The following PADI4 variants were observed in gnomAD, a reference collection of about 807,000 sequenced individuals.
The protein encoded by PADI4 is peptidyl arginine deiminase 4.
In PADI4, 62 loss-of-function variants were observed where a neutral mutation model predicts 75.0. The observed-to-expected ratio is 0.83, with a 90% CI of 0.67 to 1.02. The LOEUF (loss-of-function observed/expected upper bound fraction) is 1.02. Ranked by LOEUF, PADI4 falls within the 50% of genes least tolerant of loss-of-function variation. PADI4 has a pLI of 0.00. For synonymous variants in PADI4, 361 were observed against 348.1 expected, an observed-to-expected ratio of 1.04 and a Z score of -0.41; for missense variants, 845 against 850.5, an observed-to-expected ratio of 0.99 and a Z score of 0.08.
chr1:17,344,043 A>G (rs1399964256), intron 8 of PADI4, among the ~76,000 whole-genome samples: 10 of 152,158 alleles, frequency 6.6e-5, no homozygotes, highest in Non-Finnish European at 1.0e-4. Context: ...CTTTCTAGAG[A>G]CTTGTTGAAT....
Position 17,342,198 on chromosome 1 carries a change from C to A in PADI4, c.831+77C>A. On this transcript the variant is annotated intron_variant, in intron 7 of 15. Coordinates refer to ENST00000375448, the MANE Select transcript of PADI4 (RefSeq NM_012387.3). ...CCTGGCTAGGGAAAGGGGTACAGAG[C>A]CCAGCTGGGCAGGGGGACTCCAAAC... 4 of 1,493,202 alleles carry A rather than the reference C, an allele frequency of 2.7e-6. No homozygotes were observed. In the South Asian group the frequency reaches 4.6e-5, roughly 17 times the overall value. The allele number at this position is 1,493,202 out of a possible 1,614,324, so 92.5% of individuals were successfully genotyped here. A position where few individuals can be genotyped will look rare whatever the true frequency, so the allele number is the denominator to read the frequency against.
Position 17,358,893 on chromosome 1 carries a change from T to C in PADI4, c.1614T>C (p.His538=). The C allele has an allele frequency of 6.2e-7, 1 of 1,607,202 alleles. No individual in the cohort carries two copies. Among genetic ancestry groups the C allele is most frequent in the South Asian group, 1.1e-5 (1 of 90,178 alleles). ...NILSNKTLRE[H]NSFVERCIDW... The stretch of plus-strand genomic sequence containing the variant: ...TGTCAAACAAGACATTGAGAGAACA[T>C]AATTCATTTGTGGAGGTAGGAGCCT... The change falls in exon 14 of 16, where the codon CAT becomes CAC. Residue 538 remains histidine (H), a synonymous_variant. Coordinates refer to ENST00000375448, the MANE Select transcript of PADI4 (RefSeq NM_012387.3).
Position 17,363,550 on chromosome 1 carries a change from T to C in PADI4, c.1787T>C (p.Leu596Pro). 1.9e-6 allele frequency: 3 copies of C among 1,613,482 alleles called. No homozygotes were observed. Among genetic ancestry groups the C allele is most frequent in the East Asian group, 2.2e-5 (1 of 44,874 alleles). ...MVNMLVLGKH[L>P]GIPKPFGPVI... ...AACATGCTGGTGCTAGGGAAGCACC[T>C]GGGCATCCCCAAGCCCTTCGGGCCC... The change falls in exon 16 of 16, where the codon CTG (leucine) becomes CCG (proline). Residue 596 changes from leucine to proline, a missense_variant. Leu to Pro is a moderately conservative substitution (Grantham distance 98). Transcript: ENST00000375448.
intron 15 of PADI4, among the ~76,000 whole-genome samples, chr1:17,363,053 G>A (rs1570107055): frequency 6.6e-6 from 1 of 152,110 alleles, no homozygotes; most frequent in Non-Finnish European, 1.5e-5. Context: ...CTGACCTCAG[G>A]TGATCCACTC....
rs768229428 is a variant in PADI4 at position 17,359,426 on chromosome 1, T to G, written c.1758+18T>G. On this transcript the variant is annotated intron_variant, in intron 15 of 15. Transcript: ENST00000375448. ...CCAACATGGTGAGGAGGTGGCGGCT[T>G]TAAAACCCCAGGGTGTGGCATGGAG... is the stretch of plus-strand genomic sequence containing the variant. The G allele has an allele frequency of 7.4e-6, 12 of 1,613,784 alleles. No individual in the cohort carries two copies. The highest frequency in any genetic ancestry group is 1.7e-4 in the Middle Eastern group (1 of 6,048).
intron 10 of PADI4, among the ~76,000 whole-genome samples, chr1:17,349,114 T>C (rs962502643): frequency 1.3e-5 from 2 of 152,212 alleles, no homozygotes; most frequent in Non-Finnish European, 2.9e-5. Context: ...ATTCACAGTG[T>C]GTACTCAGCC....
chr1:17,311,792 T>G (rs1378935497), intron 1 of PADI4, among the ~76,000 whole-genome samples: 1 of 152,182 alleles, frequency 6.6e-6, no homozygotes, highest in South Asian at 2.1e-4. Context: ...CCCAAAGTGC[T>G]GGGATTACAG....
At chr1:17,334,634 T>C (rs2074278615) in intron 3 of PADI4, 1 of 456,040 alleles carries the variant, frequency 2.2e-6, no homozygotes, top group South Asian at 1.5e-5. Context: ...CAAATATCTA[T>C]AACAAAAAGT....
rs1306630672 is a variant in PADI4, at chr1:17,331,163, C to T, written c.273+14C>T. 1.1e-5 allele frequency: 17 copies of T among 1,604,482 alleles called. No homozygotes were observed. The East Asian group carries it at 3.9e-4, about 36-fold the overall frequency. On this transcript the variant is annotated intron_variant, in intron 2 of 15. Transcript: ENST00000375448. ...GGCGACCAGAAGGTGAGTGTCATAG[C>T]TGTGGGGTGGCAGTGTGGATGGGCT... is the stretch of plus-strand genomic sequence containing the variant.
At chr1:17,318,953 G>T (rs939679222) in intron 1 of PADI4, among the ~76,000 whole-genome samples, 1 of 152,090 alleles carries the variant, frequency 6.6e-6, no homozygotes, top group African/African-American at 2.4e-5. Flanking sequence ...CTCCCAAAGT[G>T]CTGGGATTAC....
At chr1:17,355,898 G>C in intron 11 of PADI4, 85 bp from the exon 12 acceptor site, 1 of 1,412,350 alleles carries the variant, frequency 7.1e-7, no homozygotes, top group Non-Finnish European at 1.0e-6. Flanking sequence ...GGAGAACCCT[G>C]ACCTTTTTGC....
chr1:17,313,222 A>G (rs989330220), intron 1 of PADI4, among the ~76,000 whole-genome samples: 2 of 150,824 alleles, frequency 1.3e-5, no homozygotes, highest in Non-Finnish European at 1.5e-5. Flanking sequence ...CAATGGGGCC[A>G]GGCGTGGTAG....
intron 1 of PADI4, among the ~76,000 whole-genome samples, chr1:17,320,612 C>T (rs780273441): frequency 1.4e-4 from 22 of 152,264 alleles, no homozygotes; most frequent in East Asian, 1.9e-4. Flanking sequence ...ACTGTCATGA[C>T]GCTGGTGGGA....
At position 17,318,934 on chromosome 1, in the gene PADI4, C is replaced by T. The variant is rs186000044; in HGVS notation, c.92+10620C>T. 5.5e-3 allele frequency among the ~76,000 whole-genome samples: 842 copies of T among 152,108 alleles called. 10 individuals are homozygous for T. The highest frequency in any genetic ancestry group is 0.019 in the African/African-American group (803 of 41,510). On this transcript the variant is annotated intron_variant, in intron 1 of 15. Coordinates refer to ENST00000375448, the MANE Select transcript of PADI4 (RefSeq NM_012387.3). ...CGATCTCCTGACCTTGTGATCCACC[C>T]GCCTCGGCCTCCCAAAGTGCTGGGA...
chr1:17,325,590 G>GT (rs1220069234), intron 1 of PADI4, among the ~76,000 whole-genome samples: 4 of 151,816 alleles, frequency 2.6e-5, no homozygotes, highest in African/African-American at 9.7e-5. Context: ...AATATTGGCA[G>GT]TTTTTTTCTT....
At chr1:17,320,980 C>T (rs10788664) in intron 1 of PADI4, among the ~76,000 whole-genome samples, 49,028 of 152,058 alleles carry the variant, frequency 0.32, 8,025 homozygotes, top group South Asian at 0.41. Context: ...AACTTAATCA[C>T]ATTTGCAAGT....
intron 5 of PADI4, 33 bp from the exon 6 acceptor site, chr1:17,339,655 C>T: frequency 1.9e-6 from 3 of 1,612,274 alleles, no homozygotes; most frequent in Non-Finnish European, 2.5e-6. Context: ...GTCTCAGGGC[C>T]CTGTGACTCA....
rs554090137 is a variant in PADI4, at chr1:17,321,504, G to A, written c.93-9465G>A. 4.4e-4 allele frequency among the ~76,000 whole-genome samples: 67 copies of A among 152,338 alleles called. 2 individuals carry two copies. The South Asian group carries it at 6.6e-3, about 15-fold the overall frequency. ...AGTGGTGAGAACCGAATTAATTAAC[G>A]TGTGGAAAGAATGTGAACAGTGCCT... is the stretch of plus-strand genomic sequence containing the variant. On this transcript the variant is annotated intron_variant, in intron 1 of 15. Coordinates refer to ENST00000375448, the MANE Select transcript of PADI4 (RefSeq NM_012387.3).
chr1:17,341,936 C>T lies in PADI4; in HGVS notation c.653-7C>T. ...GCAGACCTGAGTCTCCCCTGCCTCT[C>T]TCCTAGGGGGCAAACTGTCCTCCAA... On this transcript the variant is annotated splice_polypyrimidine_tract_variant and splice_region_variant and intron_variant, in intron 6 of 15. Transcript: ENST00000375448. The T allele has an allele frequency of 1.9e-6, 3 of 1,611,828 alleles. No homozygotes were observed. Among genetic ancestry groups the T allele is most frequent in the South Asian group, 2.2e-5 (2 of 90,906 alleles).
Sources: allele counts gnomAD v4.1 joint callset (sites outside exome capture counted in the v4.1 genomes callset), GRCh38; gene constraint gnomAD v4.1.1; transcripts MANE v1.5; gene names NCBI Gene and HGNC (gene_info 2026-07-23, HGNC 2026-07-21).